The following KALRN variants were observed in gnomAD, a reference collection of about 807,000 sequenced individuals.
KALRN encodes the protein kalirin.
In KALRN, 70 loss-of-function variants were observed where a neutral mutation model predicts 353.7. The observed-to-expected ratio is 0.20, with a 90% CI of 0.16 to 0.24. The LOEUF (loss-of-function observed/expected upper bound fraction) is 0.24. KALRN is among the 10% of genes least tolerant of loss of function. The probability of loss-of-function intolerance (pLI) is 1.00; values close to 1 mark genes in which losing one functional copy is unlikely to be tolerated. For synonymous variants in KALRN, 1,391 were observed against 1,434.8 expected, an observed-to-expected ratio of 0.97 and a Z score of 0.69; for missense variants, 2,791 against 3,756.7, an observed-to-expected ratio of 0.74 and a Z score of 6.72.
chr3:124,326,001 C>G lies in KALRN; in HGVS notation c.1114C>G (p.Arg372Gly), dbSNP rs765485010. The change falls in exon 7 of 60, where the codon CGC (arginine) becomes GGC (glycine). Residue 372 changes from arginine to glycine, a missense_variant. This residue lies in a region of KALRN where 366 missense variants were observed against 489.2 expected (regional missense o/e 0.75). Transcript: ENST00000682506. ...CCAGAATGCCTATGTCAACATCAAC[C>G]GCATCATGTCCGTGGCTTCCCGCCT... ...NSMNAYVNIN[R>G]IMSVASRLSE... The G allele has an allele frequency of 6.2e-7, 1 of 1,612,972 alleles. No individual in the cohort carries two copies.
At chr3:124,490,209 G>A (rs1484174744) in intron 29 of KALRN, among the ~76,000 whole-genome samples, 7 of 152,138 alleles carry the variant, frequency 4.6e-5, no homozygotes, top group African/African-American at 9.7e-5. Flanking sequence ...AGTGACCCAC[G>A]ATCATGCCAC....
chr3:124,441,809 G>T (rs2093674571), intron 18 of KALRN, 136 bp from the exon 19 acceptor site: 1 of 523,708 alleles, frequency 1.9e-6, no homozygotes, highest in South Asian at 3.0e-5. Flanking sequence ...CTAGGCAACA[G>T]AGTGAGACTC....
chr3:124,630,667 TTTC>T (rs2080669878), intron 34 of KALRN, among the ~76,000 whole-genome samples: 1 of 152,180 alleles, frequency 6.6e-6, no homozygotes, highest in South Asian at 2.1e-4. Flanking sequence ...AAGTCTGCAG[TTTC>T]TTCTTCTGTA....
chr3:124,177,511 G>A (rs754762565), intron 1 of KALRN, among the ~76,000 whole-genome samples: 1 of 152,214 alleles, frequency 6.6e-6, no homozygotes, highest in Non-Finnish European at 1.5e-5. Flanking sequence ...AACCCACCCT[G>A]AGGAAGCCCT....
At chr3:124,034,631 A>G (rs2039241211) in intron 1 of KALRN, among the ~76,000 whole-genome samples, 1 of 151,840 alleles carries the variant, frequency 6.6e-6, no homozygotes, top group Non-Finnish European at 1.5e-5. Flanking sequence ...CCCTGGCTAC[A>G]CAGTCCCTCC....
At chr3:124,305,115 A>T (rs1442266619) in intron 6 of KALRN, among the ~76,000 whole-genome samples, 1 of 152,214 alleles carries the variant, frequency 6.6e-6, no homozygotes, top group Non-Finnish European at 1.5e-5. Context: ...CCCCAACCCC[A>T]GCTCCAGAGC....
chr3:124,231,305 C>A (rs1159611678), intron 2 of KALRN, among the ~76,000 whole-genome samples: 1 of 152,252 alleles, frequency 6.6e-6, no homozygotes, highest in Admixed American at 6.5e-5. Context: ...CTTTGTACTA[C>A]TTAGAAGTCA....
intron 33 of KALRN, chr3:124,519,159 G>A (rs2066947007): frequency 2.0e-6 from 2 of 985,374 alleles, no homozygotes; most frequent in South Asian, 4.7e-5. Flanking sequence ...CACCCTACCA[G>A]CCCCTATTTG....
chr3:124,129,638 T>C (rs901188956), intron 1 of KALRN, among the ~76,000 whole-genome samples: 2 of 152,148 alleles, frequency 1.3e-5, no homozygotes, highest in African/African-American at 2.4e-5. Context: ...AAGGATAAGA[T>C]AGAGCTTGGT....
intron 1 of KALRN, among the ~76,000 whole-genome samples, chr3:124,045,853 C>G (rs2040428666): frequency 6.6e-6 from 1 of 152,020 alleles, no homozygotes; most frequent in African/African-American, 2.4e-5. Flanking sequence ...TTAACAACCT[C>G]ACCCGGATGG....
intron 1 of KALRN, among the ~76,000 whole-genome samples, chr3:124,058,130 C>T (rs887713517): frequency 2.9e-4 from 44 of 152,096 alleles, no homozygotes; most frequent in Non-Finnish European, 4.4e-4. Context: ...GAAAGACCTG[C>T]CCCCATAATT....
intron 1 of KALRN, among the ~76,000 whole-genome samples, chr3:124,146,063 G>A (rs1041240749): frequency 2.0e-4 from 30 of 152,230 alleles, no homozygotes; most frequent in African/African-American, 5.3e-4. Flanking sequence ...AGCACAGTGG[G>A]CATGACCCTG....
At chr3:124,304,727 C>T (rs1031405904) in intron 6 of KALRN, among the ~76,000 whole-genome samples, 2 of 152,210 alleles carry the variant, frequency 1.3e-5, no homozygotes, top group Non-Finnish European at 2.9e-5. Flanking sequence ...CCACTCTCTT[C>T]TTTTCCCCTC....
At chr3:124,055,766 G>A (rs147321042) in intron 1 of KALRN, among the ~76,000 whole-genome samples, 4 of 152,270 alleles carry the variant, frequency 2.6e-5, no homozygotes, top group South Asian at 2.1e-4. Flanking sequence ...TACAGAGATG[G>A]CACTATAAAA....
In KALRN at chr3:124,712,148, A is replaced by G. The variant is rs961804199; in HGVS notation, c.8076-787A>G. On this transcript the variant is annotated intron_variant, in intron 57 of 59. Coordinates refer to ENST00000682506, the MANE Select transcript of KALRN (RefSeq NM_001388419.1). ...ACCAAAATCTCAGAAATCACCCTCTAAAGAACATATTCATGTAACCAAACA... is the reference window on the plus strand; with the variant it reads ...ACCAAAATCTCAGAAATCACCCTCTGAAGAACATATTCATGTAACCAAACA... Among the ~76,000 whole-genome samples the G allele has an allele frequency of 5.7e-4, 86 of 152,162 alleles. 2 individuals carry two copies. The highest frequency in any genetic ancestry group is 5.5e-3 in the Admixed American group (84 of 15,274).
intron 34 of KALRN, among the ~76,000 whole-genome samples, chr3:124,574,417 G>A (rs1306935059): frequency 6.6e-6 from 1 of 152,230 alleles, no homozygotes; most frequent in African/African-American, 2.4e-5. Context: ...TTTCATGCCT[G>A]CTGGTGCCCA....
intron 4 of KALRN, among the ~76,000 whole-genome samples, chr3:124,265,385 T>C (rs746634248): frequency 7.7e-5 from 11 of 143,384 alleles, no homozygotes; most frequent in Non-Finnish European, 1.7e-4. Context: ...CTCTGCCTCC[T>C]GGGTTCAAGT....
chr3:124,143,467 G>C (rs1044941188), intron 1 of KALRN, among the ~76,000 whole-genome samples: 2 of 152,202 alleles, frequency 1.3e-5, no homozygotes, highest in African/African-American at 4.8e-5. Context: ...GAGCTTTGAA[G>C]TCACAAAGTC....
intron 33 of KALRN, among the ~76,000 whole-genome samples, chr3:124,505,837 A>G (rs1292082663): frequency 6.6e-6 from 1 of 152,224 alleles, no homozygotes; most frequent in African/African-American, 2.4e-5. Flanking sequence ...ATTCTTGGAA[A>G]GATCTTGTTG....
Sources: gnomAD v4.1 joint callset for allele counts (sites outside exome capture counted in the v4.1 genomes callset) on GRCh38, gnomAD v4.1.1 for gene constraint, gnomAD v4.1.1 regional missense constraint, MANE v1.5 for transcripts, NCBI Gene and HGNC (gene_info 2026-07-23, HGNC 2026-07-21) for gene names.